The following SCFD2 variants were observed in gnomAD, a reference collection of about 807,000 sequenced individuals.
The protein encoded by SCFD2 is sec1 family domain-containing protein 2.
Under a neutral mutation model 58.9 loss-of-function variants are expected in SCFD2, and 54 were observed. The observed-to-expected ratio is 0.92, with a 90% confidence interval of 0.74 to 1.15. The LOEUF is 1.15. Ranked by LOEUF, SCFD2 falls within the 50% of genes most tolerant of loss-of-function variation. The pLI is 0.00. For synonymous variants in SCFD2, 321 were observed against 335.9 expected, an observed-to-expected ratio of 0.96 and a Z score of 0.49; for missense variants, 805 against 836.6, an observed-to-expected ratio of 0.96 and a Z score of 0.47.
chr4:53,200,289 T>C (rs1045812745), intron 4 of SCFD2, among the ~76,000 whole-genome samples: 4 of 152,064 alleles, frequency 2.6e-5, no homozygotes, highest in African/African-American at 7.2e-5. Context: ...AACAGAGTCA[T>C]TGCAATAGAA....
intron 5 of SCFD2, among the ~76,000 whole-genome samples, chr4:52,992,675 C>T (rs1343202668): frequency 2.0e-5 from 3 of 152,092 alleles, no homozygotes; most frequent in Admixed American, 1.3e-4. Context: ...TCTGCCTGGC[C>T]GCCACCCCAT....
chr4:53,330,871 C>T (rs1339090371), intron 2 of SCFD2, among the ~76,000 whole-genome samples: 1 of 151,932 alleles, frequency 6.6e-6, no homozygotes, highest in Admixed American at 6.6e-5. Context: ...CAGAGACACA[C>T]ACAGGCTCAA....
intron 5 of SCFD2, among the ~76,000 whole-genome samples, chr4:53,015,909 G>T (rs1722202208): frequency 6.6e-6 from 1 of 152,086 alleles, no homozygotes; most frequent in Non-Finnish European, 1.5e-5. Flanking sequence ...ACATCAGGAA[G>T]GCCAGCAGCT....
At chr4:53,041,242 C>G (rs1017516569) in intron 5 of SCFD2, among the ~76,000 whole-genome samples, 3 of 152,158 alleles carry the variant, frequency 2.0e-5, no homozygotes, top group African/African-American at 4.8e-5. Context: ...GCTGCAGTAT[C>G]TTATGGTGCC....
chr4:53,237,981 G>T (rs1225164166), intron 4 of SCFD2, among the ~76,000 whole-genome samples: 6 of 119,370 alleles, frequency 5.0e-5, no homozygotes, highest in East Asian at 2.7e-4. Context: ...CCTCCCGGAC[G>T]GGGCGGCTGG....
At chr4:53,059,482 G>A (rs775608282) in intron 5 of SCFD2, among the ~76,000 whole-genome samples, 5 of 152,148 alleles carry the variant, frequency 3.3e-5, no homozygotes, top group Non-Finnish European at 7.4e-5. Flanking sequence ...TAGCCCAGCC[G>A]GAACATGGGT....
intron 5 of SCFD2, among the ~76,000 whole-genome samples, chr4:52,941,712 G>A (rs994926439): frequency 6.6e-6 from 1 of 152,192 alleles, no homozygotes; most frequent in Non-Finnish European, 1.5e-5. Context: ...GCCCTGATAG[G>A]GATGAGGGAA....
intron 8 of SCFD2, among the ~76,000 whole-genome samples, chr4:52,879,365 T>C (rs949611274): frequency 3.3e-5 from 5 of 152,218 alleles, no homozygotes; most frequent in African/African-American, 1.2e-4. Flanking sequence ...AAACAAAAAA[T>C]TGTTTTTGAA....
rs1729056738 is a variant in SCFD2, at chr4:53,221,885, CAAG to C, written c.1311+51938_1311+51940del. On this transcript the variant is annotated intron_variant, in intron 4 of 8. Transcript: ENST00000401642. ...CACCATCAAGCACCATGGGAGGCTA[CAAG>C]AAGAGGCAACAGAGGAACCACAACA... 5.9e-5 allele frequency among the ~76,000 whole-genome samples: 9 copies of C among 152,270 alleles called. No homozygotes were observed. In the South Asian group the frequency reaches 1.7e-3, roughly 28 times the overall value.
intron 5 of SCFD2, among the ~76,000 whole-genome samples, chr4:53,072,840 CTT>C (rs1723861231): frequency 7.2e-6 from 1 of 139,508 alleles, no homozygotes; most frequent in Admixed American, 7.1e-5. Flanking sequence ...AAACTCACTC[CTT>C]GTGTGTCCGC....
At chr4:52,973,453 C>G (rs1010163283) in intron 5 of SCFD2, among the ~76,000 whole-genome samples, 2 of 152,180 alleles carry the variant, frequency 1.3e-5, no homozygotes, top group Admixed American at 6.5e-5. Context: ...CATACACCCT[C>G]CCAAGACTAA....
chr4:53,093,668 C>T lies in SCFD2; in HGVS notation c.1561+51665G>A, dbSNP rs1724535890. On this transcript the variant is annotated intron_variant, in intron 5 of 8. Transcript: ENST00000401642. ...AATTTAATAGAAAGCTCTTTACATG[C>T]TGATATAAAACAGTCTCCAAGATAT... is the stretch of plus-strand genomic sequence containing the variant. Among the ~76,000 whole-genome samples, 4 of 152,174 alleles carry T rather than the reference C, an allele frequency of 2.6e-5. No homozygotes were observed. In the South Asian group the frequency reaches 8.3e-4, roughly 32 times the overall value.
At chr4:53,239,773 G>A (rs1729833448) in intron 4 of SCFD2, among the ~76,000 whole-genome samples, 1 of 152,118 alleles carries the variant, frequency 6.6e-6, no homozygotes, top group African/African-American at 2.4e-5. Context: ...ACCATGCCCG[G>A]CCTTTGTTTA....
intron 5 of SCFD2, among the ~76,000 whole-genome samples, chr4:53,055,144 G>A (rs1038355): frequency 0.63 from 95,075 of 151,992 alleles, 30,298 homozygotes; most frequent in African/African-American, 0.75. Flanking sequence ...ATTTGCATTC[G>A]TTATTAGATT....
intron 5 of SCFD2, among the ~76,000 whole-genome samples, chr4:52,958,328 T>G (rs1720758240): frequency 6.6e-6 from 1 of 152,214 alleles, no homozygotes; most frequent in African/African-American, 2.4e-5. Flanking sequence ...GCAGGCTCCA[T>G]GTGTTTGTTT....
intron 4 of SCFD2, among the ~76,000 whole-genome samples, chr4:53,191,360 C>CA (rs927009787): frequency 2.4e-4 from 37 of 151,954 alleles, no homozygotes; most frequent in Admixed American, 1.9e-3. Context: ...TATTCATTAG[C>CA]AAAAAAATCA....
chr4:53,113,360 T>TG (rs1411361810), intron 5 of SCFD2, among the ~76,000 whole-genome samples: 2 of 152,126 alleles, frequency 1.3e-5, no homozygotes, highest in African/African-American at 4.8e-5. Context: ...AAAATGGCCA[T>TG]GTGCTTGTTA....
chr4:52,941,823 T>G (rs1412723616), intron 5 of SCFD2, among the ~76,000 whole-genome samples: 1 of 152,176 alleles, frequency 6.6e-6, no homozygotes, highest in Non-Finnish European at 1.5e-5. Context: ...CCAAAATGCT[T>G]CGGACCAGAA....
chr4:53,210,730 C>G (rs923998735), intron 4 of SCFD2, among the ~76,000 whole-genome samples: 23 of 151,804 alleles, frequency 1.5e-4, no homozygotes, highest in African/African-American at 4.9e-4. Context: ...GTCCATTGTT[C>G]CTGGCTCGTA....
Sources: allele counts gnomAD v4.1 joint callset (sites outside exome capture counted in the v4.1 genomes callset), GRCh38; gene constraint gnomAD v4.1.1; transcripts MANE v1.5; gene names NCBI Gene and HGNC (gene_info 2026-07-23, HGNC 2026-07-21).